The following WDR33 variants were observed in gnomAD, a reference collection of about 807,000 sequenced individuals.
WDR33 encodes the protein WD repeat domain 33.
Under a neutral mutation model 164.9 loss-of-function variants are expected in WDR33, and 47 were observed. The observed-to-expected ratio is 0.29, with a 90% confidence interval of 0.23 to 0.36. The LOEUF is 0.36. Among genes scored for constraint, WDR33 ranks in the 10% least tolerant of loss-of-function variants. WDR33 has a pLI of 1.00. For synonymous variants in WDR33, 505 were observed against 589.0 expected (o/e 0.86, Z 2.06); for missense variants, 1,137 against 1,754.1 (o/e 0.65, Z 6.28).
intron 1 of WDR33, among the ~76,000 whole-genome samples, chr2:127,787,512 A>G: frequency 8.4e-6 from 1 of 118,884 alleles, no homozygotes; most frequent in Non-Finnish European, 1.7e-5. Flanking sequence ...TCCCTCCCGG[A>G]CGGGGCGGCT....
At position 127,701,846 on chromosome 2, in the gene WDR33, C is replaced by G. The variant is rs1217766669; in HGVS notation, c.*4477G>C. 14 of 1,458,940 alleles carry G rather than the reference C, an allele frequency of 9.6e-6. 1 individual carries two copies. In the African/African-American group the frequency reaches 1.0e-4, roughly 11 times the overall value. 90.4% of individuals were successfully genotyped at this position (1,458,940 alleles called of 1,614,324 possible). A position where few individuals can be genotyped will look rare whatever the true frequency, so the allele number is the denominator to read the frequency against. On this transcript the variant is annotated 3_prime_UTR_variant, in exon 22 of 22. Transcript: ENST00000322313. ...CACCGGTGTTGCTGCTGCGCGCGCGCAAGTTCGCGCTGCTCTGGTCACTGG... is the reference window on the plus strand; with the variant it reads ...CACCGGTGTTGCTGCTGCGCGCGCGGAAGTTCGCGCTGCTCTGGTCACTGG...
At chr2:127,792,432 G>A (rs542551656) in intron 1 of WDR33, among the ~76,000 whole-genome samples, 6 of 151,412 alleles carry the variant, frequency 4.0e-5, no homozygotes, top group African/African-American at 1.2e-4. Context: ...AGGCTGAGGC[G>A]GGCAGATCAC....
chr2:127,743,881 A>G lies in WDR33; in HGVS notation c.725-17104T>C, dbSNP rs189407928. ...GAAAGAGGCACTACGTCAGACAGAT[A>G]TACCAAAATACATATTATGTGAAAT... On this transcript the variant is annotated intron_variant, in intron 7 of 21. Transcript: ENST00000322313. Among the ~76,000 whole-genome samples the G allele has an allele frequency of 5.3e-4, 80 of 152,364 alleles. No individual in the cohort carries two copies. The East Asian group carries it at 0.012, about 23-fold the overall frequency.
In WDR33 at chr2:127,717,564, C is replaced by T. The variant is rs1686331647; in HGVS notation, c.2761-301G>A. ...CTAACACAGCAGCACTAAATTAAAC[C>T]AATTAAAACAACTGGTTTAAGTAAC... On this transcript the variant is annotated intron_variant, in intron 16 of 21. Coordinates refer to ENST00000322313, the MANE Select transcript of WDR33 (RefSeq NM_018383.5). This position sits in a 1 kb window ranked among gnomAD's most constrained non-coding sequence, Gnocchi z 5.6. Among the ~76,000 whole-genome samples, 1 of 152,044 alleles carries T rather than the reference C, an allele frequency of 6.6e-6. No individual in the cohort carries two copies. Among genetic ancestry groups the T allele is most frequent in the Admixed American group, 6.5e-5 (1 of 15,270 alleles).
rs1271819730 is a variant in WDR33 at position 127,745,929 on chromosome 2, G to A, written c.724+17133C>T. Among the ~76,000 whole-genome samples the A allele has an allele frequency of 2.0e-5, 3 of 151,878 alleles. No individual in the cohort carries two copies. The East Asian group carries it at 5.8e-4, about 29-fold the overall frequency. ...AGTCCCAGCTACTCAGGAGGCTGAG[G>A]CAGGAGAATTACTTGAGCCCTGGAG... On this transcript the variant is annotated intron_variant, in intron 7 of 21. Transcript: ENST00000322313.
intron 7 of WDR33, among the ~76,000 whole-genome samples, chr2:127,729,018 A>G (rs73954902): frequency 8.9e-4 from 136 of 152,366 alleles, no homozygotes; most frequent in African/African-American, 3.1e-3. Context: ...AAAATTTATT[A>G]AAGTAAAATT....
chr2:127,733,093 T>G (rs1044956016), intron 7 of WDR33, among the ~76,000 whole-genome samples: 1 of 152,182 alleles, frequency 6.6e-6, no homozygotes, highest in Non-Finnish European at 1.5e-5. Context: ...GTTATAGTAC[T>G]AAAAACATCT....
chr2:127,725,336 C>T, intron 8 of WDR33, 121 bp from the exon 9 acceptor site: 1 of 934,174 alleles, frequency 1.1e-6, no homozygotes, highest in Non-Finnish European at 1.6e-6. Context: ...AGCAATAAAG[C>T]CTGTAACATT....
chr2:127,719,203 A>G lies in WDR33; in HGVS notation c.2760+62T>C. On this transcript the variant is annotated intron_variant, in intron 16 of 21. Coordinates refer to ENST00000322313, the MANE Select transcript of WDR33 (RefSeq NM_018383.5). The surrounding 1 kb of genome is among the most constrained non-coding windows in gnomAD (Gnocchi z 6.5). ...GTGACCATTTTCCACAATACTCAGC[A>G]GTATTACTTCTGTGCAGAGTGTATT... is the stretch of plus-strand genomic sequence containing the variant. 1 of 1,348,758 alleles carries G rather than the reference A, an allele frequency of 7.4e-7. No individual in the cohort carries two copies. Among genetic ancestry groups the G allele is most frequent in the Non-Finnish European group, 9.5e-7 (1 of 1,050,792 alleles). 83.5% of individuals were successfully genotyped at this position (1,348,758 alleles called of 1,614,324 possible).
At position 127,702,153 on chromosome 2, in the gene WDR33, C is replaced by A. The variant is rs1322932764; in HGVS notation, c.*4170G>T. The A allele has an allele frequency of 1.6e-6, 2 of 1,215,460 alleles. No individual in the cohort carries two copies. The highest frequency in any genetic ancestry group is 8.7e-5 in the Admixed American group (2 of 22,966). The allele number at this position is 1,215,460 out of a possible 1,614,324, so 75.3% of individuals were successfully genotyped here. A position where few individuals can be genotyped will look rare whatever the true frequency, so the allele number is the denominator to read the frequency against. On this transcript the variant is annotated 3_prime_UTR_variant, in exon 22 of 22. Transcript: ENST00000322313. ...GGGTCGCCTGGGCCGCGGCGCCGGC[C>A]TCGCCAAGGTGCTGCCCGTGTGAGG...
rs1686421996 is a variant in WDR33 at position 127,720,889 on chromosome 2, A to T, written c.1672-536T>A. Among the ~76,000 whole-genome samples the T allele has an allele frequency of 2.0e-5, 3 of 152,128 alleles. No individual in the cohort carries two copies. Among genetic ancestry groups the T allele is most frequent in the Admixed American group, 2.0e-4 (3 of 15,278 alleles). ...AGGATTATTTTTGTCCATCTTGATC[A>T]GGGAAAGCCCAATAATTCACCACTA... On this transcript the variant is annotated intron_variant, in intron 15 of 21. Coordinates refer to ENST00000322313, the MANE Select transcript of WDR33 (RefSeq NM_018383.5). This position sits in a 1 kb window ranked among gnomAD's most constrained non-coding sequence, Gnocchi z 5.9.
Position 127,763,374 on chromosome 2 carries a change from C to A in WDR33, c.627-215G>T. On this transcript the variant is annotated intron_variant, in intron 6 of 21. Coordinates refer to ENST00000322313, the MANE Select transcript of WDR33 (RefSeq NM_018383.5). This position sits in a 1 kb window ranked among gnomAD's most constrained non-coding sequence, Gnocchi z 4.5. ...AGCAGTTGTTTGAGTTTTCAATCAT[C>A]AGTATTCTGAGAACTTCAAGTGTGT... 1 of 1,381,386 alleles carries A rather than the reference C, an allele frequency of 7.2e-7. No individual in the cohort carries two copies. Among genetic ancestry groups the A allele is most frequent in the Non-Finnish European group, 9.4e-7 (1 of 1,066,550 alleles). The allele number at this position is 1,381,386 out of a possible 1,614,324, so 85.6% of individuals were successfully genotyped here.
In WDR33 at chr2:127,764,474, T is replaced by TA; in HGVS notation, c.626+353dup. On this transcript the variant is annotated intron_variant, in intron 6 of 21. Coordinates refer to ENST00000322313, the MANE Select transcript of WDR33 (RefSeq NM_018383.5). This position sits in a 1 kb window ranked among gnomAD's most constrained non-coding sequence, Gnocchi z 6.2. ...TTTAGATTTTATTCAGTTGCATAATTAAAGACTGAATTCTTTATTTGGAAT... is the reference window on the plus strand; with the variant it reads ...TTTAGATTTTATTCAGTTGCATAATTAAAAGACTGAATTCTTTATTTGGAAT... 1 of 1,472,694 alleles carries TA rather than the reference T, an allele frequency of 6.8e-7. No homozygotes were observed. The highest frequency in any genetic ancestry group is 9.0e-7 in the Non-Finnish European group (1 of 1,115,274). 91.2% of individuals were successfully genotyped at this position (1,472,694 alleles called of 1,614,324 possible).
rs1356617987 is a variant in WDR33 at position 127,723,272 on chromosome 2, A to C, written c.1272T>G (p.Ser424=). ...TCTCACCATATTCTACTCCATCTTC[A>C]GACATTCCAGGTAAAAGGTTTAGAT... The part of the protein sequence containing the change: ...RYNLNLLPGM[S]EDGVEYDDLE... The change falls in exon 12 of 22, where the codon TCT becomes TCG. Residue 424 remains serine, a synonymous_variant. Transcript: ENST00000322313. The surrounding 1 kb of genome is among the most constrained non-coding windows in gnomAD (Gnocchi z 5.9). The C allele has an allele frequency of 6.2e-7, 1 of 1,614,010 alleles. No individual in the cohort carries two copies. The highest frequency in any genetic ancestry group is 8.5e-7 in the Non-Finnish European group (1 of 1,179,964).
chr2:127,766,426 T>C (rs73955213), intron 4 of WDR33, among the ~76,000 whole-genome samples: 135 of 152,320 alleles, frequency 8.9e-4, no homozygotes, highest in African/African-American at 3.1e-3. Flanking sequence ...GCCTCCCCTC[T>C]TTCTAGTTTC....
intron 1 of WDR33, among the ~76,000 whole-genome samples, chr2:127,782,609 G>A (rs1688414104): frequency 6.6e-6 from 1 of 152,162 alleles, no homozygotes; most frequent in Non-Finnish European, 1.5e-5. Context: ...AAAAATATTA[G>A]ACGGGAATAA....
At position 127,724,687 on chromosome 2, in the gene WDR33, T is replaced by C. The variant is rs1012968985; in HGVS notation, c.1085+200A>G. ...CATTTAGAAACTAGAAAATCTATTTTATTCCTCCTTAATGACTTCCATATC... is the reference window on the plus strand; with the variant it reads ...CATTTAGAAACTAGAAAATCTATTTCATTCCTCCTTAATGACTTCCATATC... On this transcript the variant is annotated intron_variant, in intron 10 of 21. Transcript: ENST00000322313. The surrounding 1 kb of genome is among the most constrained non-coding windows in gnomAD (Gnocchi z 4.8). Among the ~76,000 whole-genome samples the C allele has an allele frequency of 1.3e-5, 2 of 152,200 alleles. No homozygotes were observed. Among genetic ancestry groups the C allele is most frequent in the African/African-American group, 2.4e-5 (1 of 41,444 alleles).
Position 127,764,080 on chromosome 2 carries a change from G to T in WDR33, c.626+748C>A. On this transcript the variant is annotated intron_variant, in intron 6 of 21. Coordinates refer to ENST00000322313, the MANE Select transcript of WDR33 (RefSeq NM_018383.5). The surrounding 1 kb of genome is among the most constrained non-coding windows in gnomAD (Gnocchi z 6.2). ...TGCTGCTTAGCTTTATTCTGAGGCT[G>T]CAGCAATTCTTCAGGCTTGTATTTG... The T allele has an allele frequency of 1.0e-6, 1 of 987,870 alleles. No homozygotes were observed. The highest frequency in any genetic ancestry group is 1.2e-6 in the Non-Finnish European group (1 of 831,794). The allele number at this position is 987,870 out of a possible 1,614,324, so 61.2% of individuals were successfully genotyped here.
intron 1 of WDR33, 193 bp downstream of exon 1, chr2:127,810,812 TGGCCTCC>T (rs1291580520): frequency 3.9e-5 from 6 of 152,572 alleles, no homozygotes; most frequent in Non-Finnish European, 7.3e-5. Context: ...TTTTCCCGGT[TGGCCTCC>T]AGCCTCCAGC....
Sources: allele counts gnomAD v4.1 joint callset (sites outside exome capture counted in the v4.1 genomes callset), GRCh38; gene constraint gnomAD v4.1.1; non-coding constraint Gnocchi (gnomAD v3.1); transcripts MANE v1.5; gene names NCBI Gene and HGNC (gene_info 2026-07-23, HGNC 2026-07-21).